Variants in TRIO observed in about 807,000 individuals in gnomAD.
The protein encoded by TRIO is triple functional domain protein.
TRIO carries 58 observed loss-of-function variants against 351.9 expected under a neutral mutation model. That is an observed-to-expected ratio of 0.16 (90% CI 0.13 to 0.21). The LOEUF is 0.21. Among genes scored for constraint, TRIO ranks in the 10% least tolerant of loss-of-function variants. The pLI is 1.00. For missense variants in TRIO, 3,201 were observed against 4,027.8 expected, an observed-to-expected ratio of 0.79 and a Z score of 5.56; for synonymous variants, 1,758 against 1,595.7, an observed-to-expected ratio of 1.10 and a Z score of -2.42.
At chr5:14,231,296 C>A (rs1438332499) in intron 1 of TRIO, among the ~76,000 whole-genome samples, 2 of 152,170 alleles carry the variant, frequency 1.3e-5, no homozygotes, top group African/African-American at 4.8e-5. Context: ...GGGGGTGTTA[C>A]TACTGTTGTG....
At chr5:14,200,522 G>A (rs1384368899) in intron 1 of TRIO, among the ~76,000 whole-genome samples, 1 of 152,218 alleles carries the variant, frequency 6.6e-6, no homozygotes, top group East Asian at 1.9e-4. Context: ...ACATGATGGT[G>A]CATTGTAAGT....
intron 34 of TRIO, among the ~76,000 whole-genome samples, chr5:14,438,780 T>C (rs1751795594): frequency 1.3e-5 from 2 of 152,388 alleles, no homozygotes; most frequent in South Asian, 4.1e-4. Flanking sequence ...CACCTCCGCA[T>C]TTCCGCTGGT....
In TRIO at chr5:14,421,524, G is replaced by A. The variant is rs138336352; in HGVS notation, c.5203+1503G>A. ...GAGGCTGAGGCAGGAAAATCGCTTG[G>A]ACCCAGGAGGCAGAGGTTGTAGGGA... On this transcript the variant is annotated intron_variant, in intron 34 of 56. Transcript: ENST00000344204. Among the ~76,000 whole-genome samples, 137 of 150,094 alleles carry A rather than the reference G, an allele frequency of 9.1e-4. 1 individual carries two copies. The highest frequency in any genetic ancestry group is 1.4e-3 in the Non-Finnish European group (98 of 67,826).
chr5:14,481,668 C>A (rs377197632), intron 45 of TRIO, 50 bp downstream of exon 45: 50 of 1,586,640 alleles, frequency 3.2e-5, no homozygotes, highest in Non-Finnish European at 4.2e-5. Flanking sequence ...TCATCTCTTT[C>A]TTTTGTCTTG....
chr5:14,332,956 A>G (rs969712583), intron 10 of TRIO, among the ~76,000 whole-genome samples: 4 of 152,224 alleles, frequency 2.6e-5, no homozygotes, highest in Non-Finnish European at 4.4e-5. Context: ...TTTTGGGACA[A>G]GAGCCACTAG....
At chr5:14,161,987 G>A (rs951603528) in intron 1 of TRIO, among the ~76,000 whole-genome samples, 1 of 152,182 alleles carries the variant, frequency 6.6e-6, no homozygotes, top group Non-Finnish European at 1.5e-5. Flanking sequence ...CTGAAGTGCT[G>A]GGATTCCAGG....
Position 14,236,647 on chromosome 5 carries a change from G to T in TRIO, c.158-34178G>T, listed in dbSNP as rs561261696. On this transcript the variant is annotated intron_variant, in intron 1 of 56. Transcript: ENST00000344204. ...GTTTTAAATAACCAATTACTCTTTTGTGTGGAATGTCTTAGTATAATAACA... is the reference window on the plus strand; with the variant it reads ...GTTTTAAATAACCAATTACTCTTTTTTGTGGAATGTCTTAGTATAATAACA... Among the ~76,000 whole-genome samples the T allele has an allele frequency of 1.9e-4, 29 of 152,234 alleles. 1 individual carries two copies. The South Asian group carries it at 5.8e-3, about 30-fold the overall frequency.
At chr5:14,175,978 A>G (rs1030922245) in intron 1 of TRIO, among the ~76,000 whole-genome samples, 3 of 152,238 alleles carry the variant, frequency 2.0e-5, no homozygotes, top group African/African-American at 7.2e-5. Context: ...AATATCAACC[A>G]TAATTCTTAT....
intron 33 of TRIO, 57 bp from the exon 34 acceptor site, chr5:14,419,721 T>G: frequency 2.5e-6 from 4 of 1,592,606 alleles, no homozygotes; most frequent in Non-Finnish European, 3.4e-6. Context: ...CAGCTGTACC[T>G]GAAGGCACCA....
intron 1 of TRIO, among the ~76,000 whole-genome samples, chr5:14,204,887 A>G (rs1581345975): frequency 6.6e-6 from 1 of 152,304 alleles, no homozygotes; most frequent in East Asian, 1.9e-4. Context: ...ATATTTGTAA[A>G]GAGCCTAGAA....
intron 1 of TRIO, among the ~76,000 whole-genome samples, chr5:14,167,399 C>A (rs559785691): frequency 6.6e-6 from 1 of 152,038 alleles, no homozygotes; most frequent in Admixed American, 6.6e-5. Flanking sequence ...TTTATTTACA[C>A]GAACCTGAAA....
At chr5:14,304,741 C>A in intron 8 of TRIO, 149 bp downstream of exon 8, 1 of 951,518 alleles carries the variant, frequency 1.1e-6, no homozygotes, top group Non-Finnish European at 1.5e-6. Flanking sequence ...GCATTTGAAC[C>A]CCTGTGTGTG....
At chr5:14,482,068 T>C (rs559434921) in intron 45 of TRIO, among the ~76,000 whole-genome samples, 2 of 152,338 alleles carry the variant, frequency 1.3e-5, no homozygotes, top group Admixed American at 6.5e-5. Flanking sequence ...CTATTACATA[T>C]CCTCAAGATG....
chr5:14,169,041 GT>G (rs1317226055), intron 1 of TRIO, among the ~76,000 whole-genome samples: 1 of 152,134 alleles, frequency 6.6e-6, no homozygotes, highest in East Asian at 1.9e-4. Context: ...GACTACTGCT[GT>G]TTGATTTTTG....
chr5:14,466,830 A>G (rs993164069), intron 37 of TRIO, among the ~76,000 whole-genome samples: 2 of 152,188 alleles, frequency 1.3e-5, no homozygotes, highest in Admixed American at 6.5e-5. Context: ...CATCTTAAGG[A>G]TCTTCTCACG....
At chr5:14,479,397 C>A in intron 42 of TRIO, 47 bp downstream of exon 42, 1 of 1,501,562 alleles carries the variant, frequency 6.7e-7, no homozygotes, top group Admixed American at 1.8e-5. Flanking sequence ...TCTTTTGTTC[C>A]AACTTATTTC....
chr5:14,419,127 G>C (rs771604479), intron 33 of TRIO, among the ~76,000 whole-genome samples: 1 of 152,154 alleles, frequency 6.6e-6, no homozygotes, highest in African/African-American at 2.4e-5. Context: ...TCTGGGAAAC[G>C]AGCCGATGTC....
At chr5:14,403,105 TAGGTTGTGAGGGTGC>T (rs2152377116) in intron 31 of TRIO, among the ~76,000 whole-genome samples, 1 of 117,052 alleles carries the variant, frequency 8.5e-6, no homozygotes, top group South Asian at 3.1e-4. Context: ...GGTGAGGGCA[TAGGTTGTGAGGGTGC>T]AGGTTGTGGT....
At chr5:14,334,627 G>A (rs1017921920) in intron 10 of TRIO, among the ~76,000 whole-genome samples, 2 of 152,176 alleles carry the variant, frequency 1.3e-5, no homozygotes, top group Non-Finnish European at 2.9e-5. Flanking sequence ...AGAAATGTGC[G>A]TCTGTGGCAC....
Sources: gnomAD v4.1 joint callset for allele counts (sites outside exome capture counted in the v4.1 genomes callset) on GRCh38, gnomAD v4.1.1 for gene constraint, MANE v1.5 for transcripts, NCBI Gene and HGNC (gene_info 2026-07-23, HGNC 2026-07-21) for gene names.